Variants in PAIP1 observed in about 807,000 individuals in gnomAD.
PAIP1 encodes the protein polyadenylate-binding protein-interacting protein 1.
A neutral mutation model predicts 61.3 loss-of-function variants in PAIP1; 16 were observed. The observed-to-expected ratio is 0.26, with a 90% confidence interval of 0.18 to 0.40. PAIP1 has a LOEUF of 0.40. Among genes scored for constraint, PAIP1 ranks in the 10% least tolerant of loss-of-function variants. The pLI is 1.00. For missense variants in PAIP1, 416 were observed against 600.9 expected, an observed-to-expected ratio of 0.69 and a Z score of 3.22; for synonymous variants, 187 against 226.2, an observed-to-expected ratio of 0.83 and a Z score of 1.56.
chr5:43,532,615 A>C (rs1372602917), intron 9 of PAIP1, among the ~76,000 whole-genome samples: 2 of 152,216 alleles, frequency 1.3e-5, no homozygotes, highest in Non-Finnish European at 2.9e-5. Flanking sequence ...AACAAGACTG[A>C]TAAATTTTGT....
At chr5:43,549,545 G>T (rs1269346800) in intron 2 of PAIP1, among the ~76,000 whole-genome samples, 1 of 151,642 alleles carries the variant, frequency 6.6e-6, no homozygotes, top group Non-Finnish European at 1.5e-5. Context: ...TTCACCTCCC[G>T]CCATGATTCT....
Position 43,556,008 on chromosome 5 carries a change from G to C in PAIP1, c.266-9C>G. 6 of 1,560,658 alleles carry C rather than the reference G, an allele frequency of 3.8e-6. No homozygotes were observed. Among genetic ancestry groups the C allele is most frequent in the Non-Finnish European group, 5.2e-6 (6 of 1,152,248 alleles). ...CAGGGGCCTCGTTTGCTCTGCAAAA[G>C]AAAAAAAAACGGGGCGTCAGATGCA... is the stretch of plus-strand genomic sequence containing the variant. On this transcript the variant is annotated splice_polypyrimidine_tract_variant and intron_variant, in intron 1 of 10. Coordinates refer to ENST00000306846, the MANE Select transcript of PAIP1 (RefSeq NM_006451.5).
intron 4 of PAIP1, among the ~76,000 whole-genome samples, chr5:43,539,682 C>G (rs9292885): frequency 6.6e-6 from 1 of 152,050 alleles, no homozygotes; most frequent in Non-Finnish European, 1.5e-5. Flanking sequence ...CTCTCTTTGC[C>G]CCTGACTTGA....
chr5:43,529,505 G>T (rs1419487517), intron 10 of PAIP1, among the ~76,000 whole-genome samples: 1 of 151,980 alleles, frequency 6.6e-6, no homozygotes, highest in Admixed American at 6.6e-5. Flanking sequence ...CCAAGTTCAA[G>T]CAATTCTTGT....
chr5:43,533,647 T>C, intron 9 of PAIP1, 91 bp downstream of exon 9: 3 of 821,032 alleles, frequency 3.7e-6, no homozygotes, highest in Non-Finnish European at 4.4e-6. Context: ...ATCAAAAAGT[T>C]ACAATCTTGT....
At chr5:43,528,076 G>C (rs1746778622) in intron 10 of PAIP1, among the ~76,000 whole-genome samples, 2 of 152,152 alleles carry the variant, frequency 1.3e-5, no homozygotes, top group Admixed American at 6.5e-5. Context: ...GCTTCCCATA[G>C]TTAAGTATGG....
intron 3 of PAIP1, among the ~76,000 whole-genome samples, chr5:43,544,782 A>T (rs1020289450): frequency 8.5e-5 from 13 of 152,202 alleles, no homozygotes; most frequent in African/African-American, 3.1e-4. Context: ...AAAGGAAAAA[A>T]GACCCTGTCA....
chr5:43,531,847 TTA>T (rs1221201999), intron 9 of PAIP1, among the ~76,000 whole-genome samples: 2 of 151,944 alleles, frequency 1.3e-5, no homozygotes, highest in Admixed American at 6.6e-5. Flanking sequence ...GGCAAAAATT[TTA>T]TGTGTGATGA....
At chr5:43,555,755 A>G (rs781485061) in intron 2 of PAIP1, 75 bp downstream of exon 2, 1 of 1,303,506 alleles carries the variant, frequency 7.7e-7, no homozygotes, top group Non-Finnish European at 1.1e-6. Context: ...GCACAAACAT[A>G]CTCTGATTAA....
intron 10 of PAIP1, among the ~76,000 whole-genome samples, chr5:43,529,292 T>C (rs1484122949): frequency 6.6e-6 from 1 of 152,216 alleles, no homozygotes; most frequent in Non-Finnish European, 1.5e-5. Flanking sequence ...TATACTATAT[T>C]TTAATGGTTA....
intron 9 of PAIP1, among the ~76,000 whole-genome samples, chr5:43,532,334 G>GA (rs1746976947): frequency 6.6e-6 from 1 of 151,850 alleles, no homozygotes; most frequent in Non-Finnish European, 1.5e-5. Flanking sequence ...GAGATTAACA[G>GA]AAAAAAAGAT....
intron 5 of PAIP1, among the ~76,000 whole-genome samples, chr5:43,538,076 C>T (rs1216107387): frequency 6.6e-6 from 1 of 151,404 alleles, no homozygotes; most frequent in Non-Finnish European, 1.5e-5. Context: ...ACTTCTATTG[C>T]CTACTAACAA....
At chr5:43,536,746 T>C (rs1002468833) in intron 6 of PAIP1, 73 bp downstream of exon 6, 2 of 764,446 alleles carry the variant, frequency 2.6e-6, no homozygotes, top group Non-Finnish European at 4.3e-6. Flanking sequence ...TTCATCTGTA[T>C]ACTATATAGA....
chr5:43,538,488 T>C (rs1455678250), intron 5 of PAIP1, among the ~76,000 whole-genome samples: 2 of 152,152 alleles, frequency 1.3e-5, no homozygotes, highest in Non-Finnish European at 2.9e-5. Context: ...TAAAAAACTA[T>C]TTGGGTGAAT....
chr5:43,527,771 G>A (rs894334718), intron 10 of PAIP1, among the ~76,000 whole-genome samples: 5 of 151,914 alleles, frequency 3.3e-5, no homozygotes, highest in African/African-American at 1.2e-4. Flanking sequence ...ATAAACTTGG[G>A]GCTCAAGATC....
intron 5 of PAIP1, among the ~76,000 whole-genome samples, chr5:43,537,263 CTTTTAAAATA>C (rs1486319103): frequency 6.6e-6 from 1 of 152,082 alleles, no homozygotes; most frequent in African/African-American, 2.4e-5. Flanking sequence ...TTTTATTCTG[CTTTTAAAATA>C]TTTTAAAATA....
intron 2 of PAIP1, among the ~76,000 whole-genome samples, chr5:43,553,582 T>C (rs931452850): frequency 2.0e-5 from 3 of 152,198 alleles, no homozygotes; most frequent in African/African-American, 7.2e-5. Context: ...AAAGGAAATG[T>C]TTCCTTTGCA....
chr5:43,535,475 T>C (rs999169189), intron 7 of PAIP1, 59 bp downstream of exon 7: 56 of 934,322 alleles, frequency 6.0e-5, no homozygotes, highest in Non-Finnish European at 9.1e-5. Flanking sequence ...AAAAACAATC[T>C]CCAAAGAAAA....
chr5:43,539,520 A>G (rs1161113705), intron 4 of PAIP1, among the ~76,000 whole-genome samples: 1 of 151,928 alleles, frequency 6.6e-6, no homozygotes. Flanking sequence ...AATTGTTTTT[A>G]AGTCCATTAT....
Sources: allele counts gnomAD v4.1 joint callset (sites outside exome capture counted in the v4.1 genomes callset), GRCh38; gene constraint gnomAD v4.1.1; transcripts MANE v1.5; gene names NCBI Gene and HGNC (gene_info 2026-07-23, HGNC 2026-07-21).